The following AFG2A variants were observed in gnomAD, a reference collection of about 807,000 sequenced individuals.
AFG2A encodes the protein ATPase family gene 2 protein homolog A.
chr4:123,308,308 T>G, the AFG2A span, among the ~76,000 whole-genome samples: 2 of 152,340 alleles, frequency 1.3e-5, no homozygotes, highest in African/African-American at 4.8e-5. Flanking sequence ...AGTTATTTAC[T>G]TTCTCTTCAT....
At chr4:123,191,231 T>C in the AFG2A span, among the ~76,000 whole-genome samples, 1 of 152,188 alleles carries the variant, frequency 6.6e-6, no homozygotes, top group African/African-American at 2.4e-5. Context: ...TGTTTAGATA[T>C]TACTGTCAAA....
At chr4:123,185,223 G>A in the AFG2A span, among the ~76,000 whole-genome samples, 1 of 152,102 alleles carries the variant, frequency 6.6e-6, no homozygotes, top group African/African-American at 2.4e-5. Flanking sequence ...AGTTGGTGCT[G>A]TACCTGTTTA....
At chr4:123,062,203 G>A in the AFG2A span, among the ~76,000 whole-genome samples, 1 of 152,052 alleles carries the variant, frequency 6.6e-6, no homozygotes, top group Non-Finnish European at 1.5e-5. Flanking sequence ...TCAATGGCTC[G>A]TCATGTGTTA....
chr4:123,188,462 T>G, the AFG2A span, among the ~76,000 whole-genome samples: 3 of 152,200 alleles, frequency 2.0e-5, no homozygotes, highest in South Asian at 2.1e-4. Flanking sequence ...ACAACCAGAA[T>G]CTTTGACTAG....
At chr4:123,178,255 C>T in the AFG2A span, among the ~76,000 whole-genome samples, 13 of 152,118 alleles carry the variant, frequency 8.5e-5, no homozygotes, top group African/African-American at 3.1e-4. Flanking sequence ...ATCCCTTACC[C>T]GTCTCCTTCT....
At chr4:123,279,963 C>T in the AFG2A span, among the ~76,000 whole-genome samples, 1 of 152,140 alleles carries the variant, frequency 6.6e-6, no homozygotes, top group Non-Finnish European at 1.5e-5. Context: ...AAGTGTTTAA[C>T]TCCAATTTCT....
chr4:123,122,812 G>A, the AFG2A span, among the ~76,000 whole-genome samples: 2 of 148,154 alleles, frequency 1.3e-5, no homozygotes, highest in African/African-American at 5.0e-5. Flanking sequence ...ATTAGGTTGT[G>A]GATAGTATTT....
the AFG2A span, among the ~76,000 whole-genome samples, chr4:123,050,471 T>C: frequency 6.6e-6 from 1 of 152,218 alleles, no homozygotes; most frequent in East Asian, 1.9e-4. Context: ...TTGCTTTATA[T>C]ATTTGGGTGC....
At chr4:123,236,806 C>G in the AFG2A span, among the ~76,000 whole-genome samples, 5 of 152,186 alleles carry the variant, frequency 3.3e-5, no homozygotes, top group African/African-American at 1.2e-4. Flanking sequence ...TCTGACCTCT[C>G]CCTCCAGACC....
At chr4:122,952,616 A>G in the AFG2A span, among the ~76,000 whole-genome samples, 1 of 152,196 alleles carries the variant, frequency 6.6e-6, no homozygotes, top group African/African-American at 2.4e-5. Context: ...TGTTTGCCAG[A>G]TGAGGCAGCA....
chr4:122,968,266 T>C, the AFG2A span, among the ~76,000 whole-genome samples: 8 of 152,212 alleles, frequency 5.3e-5, no homozygotes, highest in Non-Finnish European at 1.0e-4. Context: ...CGCCACACTT[T>C]TTACATACTT....
At chr4:123,219,574 A>G in the AFG2A span, among the ~76,000 whole-genome samples, 1 of 152,208 alleles carries the variant, frequency 6.6e-6, no homozygotes, top group African/African-American at 2.4e-5. Context: ...CTTAATTTAC[A>G]TAATTTCTTT....
the AFG2A span, among the ~76,000 whole-genome samples, chr4:122,942,117 G>A: frequency 0.011 from 1,649 of 151,238 alleles, 29 homozygotes; most frequent in African/African-American, 0.037. Flanking sequence ...GTCTCTGCCC[G>A]GCTTTGGTAT....
chr4:123,015,491 A>G, the AFG2A span, among the ~76,000 whole-genome samples: 528 of 152,102 alleles, frequency 3.5e-3, 2 homozygotes, highest in Middle Eastern at 0.017. Flanking sequence ...CAGAGAGCAC[A>G]GGGTTGGGGG....
the AFG2A span, among the ~76,000 whole-genome samples, chr4:123,002,182 T>C: frequency 2.6e-5 from 4 of 152,144 alleles, no homozygotes; most frequent in South Asian, 8.3e-4. Context: ...TCCTTTTATT[T>C]TGAGCCTGTG....
At chr4:123,173,959 C>A in the AFG2A span, among the ~76,000 whole-genome samples, 1 of 151,794 alleles carries the variant, frequency 6.6e-6, no homozygotes, top group East Asian at 1.9e-4. Flanking sequence ...TGATATAGAT[C>A]TGACTAGTCC....
the AFG2A span, among the ~76,000 whole-genome samples, chr4:123,311,625 C>CAAAAAAAAAAAAA: frequency 1.1e-5 from 1 of 92,216 alleles, no homozygotes; most frequent in Non-Finnish European, 2.1e-5. Context: ...GACTCTGTCT[C>CAAAAAAAAAAAAA]AAAAAAAAAA....
the AFG2A span, among the ~76,000 whole-genome samples, chr4:123,152,609 C>G: frequency 6.6e-6 from 1 of 152,162 alleles, no homozygotes; most frequent in Non-Finnish European, 1.5e-5. Flanking sequence ...CTGACAACAC[C>G]AAATTCTGGC....
At chr4:123,105,969 GT>G in the AFG2A span, among the ~76,000 whole-genome samples, 1 of 152,200 alleles carries the variant, frequency 6.6e-6, no homozygotes, top group Non-Finnish European at 1.5e-5. Context: ...TTTAAAAGAA[GT>G]TCTACTGTGG....
Sources: allele counts gnomAD v4.1 joint callset (sites outside exome capture counted in the v4.1 genomes callset), GRCh38; gene constraint gnomAD v4.1.1; transcripts MANE v1.5; gene names NCBI Gene and HGNC (gene_info 2026-07-23, HGNC 2026-07-21).